Variants in DNAJB1 observed in about 807,000 individuals in gnomAD.
DNAJB1 encodes dnaJ homolog subfamily B member 1.
DNAJB1 carries 14 observed loss-of-function variants against 24.0 expected under a neutral mutation model. The ratio of observed to expected loss-of-function variants is 0.58; its 90% confidence interval spans 0.39 to 0.91. The LOEUF is 0.91. Among genes scored for constraint, DNAJB1 ranks in the 40% least tolerant of loss-of-function variants. The pLI, the probability that DNAJB1 is intolerant of heterozygous loss-of-function variation, is 0.00. For synonymous variants in DNAJB1, 262 were observed against 174.4 expected (o/e 1.50, Z -3.96); for missense variants, 517 against 458.1 (o/e 1.13, Z -1.17).
At chr19:14,537,891 G>A (rs550777194) in intron 1 of DNAJB1, among the ~76,000 whole-genome samples, 2 of 151,896 alleles carry the variant, frequency 1.3e-5, no homozygotes, top group South Asian at 4.2e-4. Flanking sequence ...GATTACAGGT[G>A]CCCACCACCA....
chr19:14,526,184 C>T (rs2146534399), intron 2 of DNAJB1, among the ~76,000 whole-genome samples: 1 of 152,332 alleles, frequency 6.6e-6, no homozygotes, highest in East Asian at 1.9e-4. Flanking sequence ...CTTGCAGTTT[C>T]TCCCTTGGAA....
intron 1 of DNAJB1, among the ~76,000 whole-genome samples, chr19:14,528,489 C>T (rs1047783041): frequency 2.0e-5 from 3 of 151,310 alleles, no homozygotes; most frequent in Non-Finnish European, 2.9e-5. Flanking sequence ...CTGCCCCCCT[C>T]GGCCTCCCAA....
rs369143149 is a variant in DNAJB1, at chr19:14,527,165, CTTTTTTTTTTTTTTTTTT to C, written c.-90+543_-90+560del. ...AACTGCCACCAGAAAAATATCTCTGCTTTTTTTTTTTTTTTTTTTTTTTTTTTTTTTTTGAGACGGAGT... is the reference window on the plus strand; with the variant it reads ...AACTGCCACCAGAAAAATATCTCTGCTTTTTTTTTTTTTTTGAGACGGAGT... On this transcript the variant is annotated intron_variant, in intron 2 of 3. Coordinates refer to the DNAJB1 transcript ENST00000396969. 3.8e-3 allele frequency among the ~76,000 whole-genome samples: 158 copies of C among 41,332 alleles called. 7 individuals are homozygous for C. Among genetic ancestry groups the C allele is most frequent in the Middle Eastern group, 0.045 (1 of 22 alleles). 27.1% of individuals were successfully genotyped at this position (41,332 alleles called of 152,430 possible).
chr19:14,558,318 A>G (rs997477478), intron 1 of DNAJB1, among the ~76,000 whole-genome samples: 3 of 152,038 alleles, frequency 2.0e-5, no homozygotes, highest in African/African-American at 7.2e-5. Context: ...CCCATTAGTA[A>G]TATCTTCATG....
At chr19:14,532,854 A>T (rs758179763), upstream of DNAJB1, among the ~76,000 whole-genome samples, 4 of 152,224 alleles carry the variant, frequency 2.6e-5, no homozygotes, top group Non-Finnish European at 4.4e-5. Context: ...TCATGCCTGT[A>T]ATCCCAGCAC....
intron 1 of DNAJB1, among the ~76,000 whole-genome samples, chr19:14,535,551 T>A (rs1271119966): frequency 4.2e-4 from 3 of 7,226 alleles, no homozygotes; most frequent in African/African-American, 5.5e-4. Context: ...AAAATATATA[T>A]ATATATATAT....
chr19:14,551,509 A>G (rs1388027591), upstream of DNAJB1, among the ~76,000 whole-genome samples: 1 of 152,166 alleles, frequency 6.6e-6, no homozygotes, highest in Non-Finnish European at 1.5e-5. Context: ...GCAGACAGGC[A>G]AGGCAGGTCT....
At chr19:14,523,592 G>C (rs146023817) in intron 2 of DNAJB1, among the ~76,000 whole-genome samples, 112 of 148,808 alleles carry the variant, frequency 7.5e-4, no homozygotes, top group African/African-American at 2.6e-3. Context: ...GATTACAAGG[G>C]TTGAACCCTA....
At chr19:14,521,869 G>A (rs1030728360), upstream of DNAJB1, among the ~76,000 whole-genome samples, 5 of 152,148 alleles carry the variant, frequency 3.3e-5, no homozygotes, top group East Asian at 1.9e-4. Context: ...TGATCAACAC[G>A]CCTTGATCTC....
chr19:14,544,655 A>G, intron 1 of DNAJB1, among the ~76,000 whole-genome samples: 1 of 142,384 alleles, frequency 7.0e-6, no homozygotes. Flanking sequence ...TTTTTTTGAG[A>G]CAGGGTCTCA....
intron 1 of DNAJB1, among the ~76,000 whole-genome samples, chr19:14,542,351 T>G (rs932314308): frequency 1.4e-5 from 1 of 71,432 alleles, no homozygotes; most frequent in African/African-American, 5.5e-5. Context: ...CATAGTGTTT[T>G]TTTTTTTTTT....
At position 14,555,878 on chromosome 19, in the gene DNAJB1, G is replaced by A. The variant is rs543106733; in HGVS notation, c.-2165-1560C>T. On this transcript the variant is annotated intron_variant, in intron 1 of 5. Coordinates refer to the DNAJB1 transcript ENST00000679223. The stretch of plus-strand genomic sequence containing the variant: ...TGGGATTCCAGGCGTGAGCCACTGC[G>A]CCCAGCCCACTTTTCACCTCTCTAT... Among the ~76,000 whole-genome samples the A allele has an allele frequency of 8.5e-5, 13 of 152,168 alleles. No individual in the cohort carries two copies. In the South Asian group the frequency reaches 2.3e-3, roughly 27 times the overall value.
At chr19:14,550,542 C>A (rs2073463225), upstream of DNAJB1, among the ~76,000 whole-genome samples, 1 of 152,160 alleles carries the variant, frequency 6.6e-6, no homozygotes, top group Non-Finnish European at 1.5e-5. Context: ...AGGTGTCGTC[C>A]CCAACTGCCA....
chr19:14,553,129 C>T (rs1309260057), upstream of DNAJB1, among the ~76,000 whole-genome samples: 4 of 152,114 alleles, frequency 2.6e-5, no homozygotes, highest in East Asian at 1.9e-4. Flanking sequence ...TGTGGCTGCT[C>T]GCCCAAGCCA....
chr19:14,558,201 A>T (rs566747729), intron 1 of DNAJB1, among the ~76,000 whole-genome samples: 2 of 152,144 alleles, frequency 1.3e-5, no homozygotes, highest in South Asian at 4.1e-4. Flanking sequence ...CAGCCAGGAA[A>T]TGGGCAGGTC....
Position 14,515,780 on chromosome 19 carries a change from C to A in DNAJB1, c.*160G>T, listed in dbSNP as rs1833946204. 7 of 692,416 alleles carry A rather than the reference C, an allele frequency of 1.0e-5. No individual in the cohort carries two copies. Among genetic ancestry groups the A allele is most frequent in the Admixed American group, 3.3e-5 (1 of 30,548 alleles). 42.9% of individuals were successfully genotyped at this position (692,416 alleles called of 1,614,324 possible). On this transcript the variant is annotated 3_prime_UTR_variant, in exon 3 of 3. Coordinates refer to ENST00000254322, the MANE Select transcript of DNAJB1 (RefSeq NM_006145.3). Reference sequence around the variant, plus strand: ...CGAAAAACCACTGAAGTCTAGTGTGCGACTTTGAAAGATTGTAATATATGC... The same window carrying A: ...CGAAAAACCACTGAAGTCTAGTGTGAGACTTTGAAAGATTGTAATATATGC...
chr19:14,534,423 C>CTTTTTTTT (rs756051119), upstream of DNAJB1, among the ~76,000 whole-genome samples: 7 of 52,488 alleles, frequency 1.3e-4, 1 homozygote, highest in African/African-American at 6.5e-4. Flanking sequence ...CATGCCTGGC[C>CTTTTTTTT]TTTTTTTTTT....
intron 1 of DNAJB1, among the ~76,000 whole-genome samples, chr19:14,558,828 C>T (rs923893950): frequency 6.6e-6 from 1 of 152,168 alleles, no homozygotes; most frequent in African/African-American, 2.4e-5. Flanking sequence ...CCTGCCTCAC[C>T]GCTTCTCCTG....
upstream of DNAJB1, among the ~76,000 whole-genome samples, chr19:14,534,597 G>A (rs1275517075): frequency 2.0e-5 from 3 of 151,754 alleles, no homozygotes; most frequent in East Asian, 1.9e-4. Context: ...CACCATGCCC[G>A]GCTAATTTCT....
Sources: gnomAD v4.1 joint callset for allele counts (sites outside exome capture counted in the v4.1 genomes callset) on GRCh38, gnomAD v4.1.1 for gene constraint, MANE v1.5 for transcripts, NCBI Gene and HGNC (gene_info 2026-07-23, HGNC 2026-07-21) for gene names.